Variants in ATAD2B observed in about 807,000 individuals in gnomAD.
ATAD2B encodes the protein ATPase family AAA domain-containing protein 2B.
A neutral mutation model predicts 167.6 loss-of-function variants in ATAD2B; 40 were observed. That is an observed-to-expected ratio of 0.24 (90% CI 0.19 to 0.31). The LOEUF (loss-of-function observed/expected upper bound fraction) is 0.31, where lower values mean the gene tolerates loss of function less well. Among genes scored for constraint, ATAD2B ranks in the 10% least tolerant of loss-of-function variants. ATAD2B has a pLI of 1.00. For missense variants in ATAD2B, 1,242 were observed against 1,757.2 expected (o/e 0.71, Z 5.24); for synonymous variants, 579 against 596.5 (o/e 0.97, Z 0.43).
the ATAD2B span, among the ~76,000 whole-genome samples, chr2:23,705,167 G>GA: frequency 2.6e-5 from 4 of 152,232 alleles, no homozygotes; most frequent in Admixed American, 1.3e-4. Context: ...CTCCACTTGG[G>GA]AGGATGCTCG....
chr2:23,884,734 T>C (rs774420837), intron 6 of ATAD2B, 31 bp downstream of exon 6: 7 of 1,352,884 alleles, frequency 5.2e-6, no homozygotes, highest in African/African-American at 1.5e-5. Flanking sequence ...CCACCTGAAC[T>C]TTCTAGAATT....
At chr2:23,693,104 G>A in the ATAD2B span, among the ~76,000 whole-genome samples, 3 of 152,134 alleles carry the variant, frequency 2.0e-5, no homozygotes, top group East Asian at 5.8e-4. Flanking sequence ...GAGAAGGATC[G>A]AAGCCTCCAG....
chr2:23,819,269 G>A (rs1265262643), intron 17 of ATAD2B, among the ~76,000 whole-genome samples: 2 of 152,044 alleles, frequency 1.3e-5, no homozygotes, highest in Admixed American at 1.3e-4. Flanking sequence ...AGTCCAAAGC[G>A]GGAAGAGCAC....
intron 1 of ATAD2B, among the ~76,000 whole-genome samples, chr2:23,906,082 A>C (rs1478780949): frequency 6.6e-6 from 1 of 152,142 alleles, no homozygotes; most frequent in African/African-American, 2.4e-5. Flanking sequence ...CACACCTGTA[A>C]TCCCGATACT....
chr2:23,906,814 C>T (rs893640316), intron 1 of ATAD2B, among the ~76,000 whole-genome samples: 12 of 151,884 alleles, frequency 7.9e-5, no homozygotes, highest in Non-Finnish European at 1.3e-4. Flanking sequence ...TGGTTCAATA[C>T]ACGCAAATCA....
intron 9 of ATAD2B, among the ~76,000 whole-genome samples, chr2:23,869,036 ACTAT>A (rs1419068247): frequency 6.6e-6 from 1 of 152,210 alleles, no homozygotes; most frequent in Non-Finnish European, 1.5e-5. Context: ...TTTTTAGTAC[ACTAT>A]CTAACTGATC....
At chr2:23,768,708 A>G (rs1677829981) in intron 22 of ATAD2B, among the ~76,000 whole-genome samples, 1 of 152,226 alleles carries the variant, frequency 6.6e-6, no homozygotes, top group Non-Finnish European at 1.5e-5. Flanking sequence ...GCTATAGATC[A>G]GTTTATATTT....
intron 18 of ATAD2B, among the ~76,000 whole-genome samples, chr2:23,799,181 CT>C (rs1406734868): frequency 6.6e-6 from 1 of 152,152 alleles, no homozygotes; most frequent in Non-Finnish European, 1.5e-5. Flanking sequence ...TTATAAAAAT[CT>C]TTCTTCCATT....
intron 9 of ATAD2B, 42 bp from the exon 10 acceptor site, chr2:23,867,988 T>A (rs1403338937): frequency 1.5e-6 from 2 of 1,356,186 alleles, no homozygotes; most frequent in Non-Finnish European, 2.1e-6. Context: ...ATTAAAAGTT[T>A]CACATTTTTA....
intron 24 of ATAD2B, among the ~76,000 whole-genome samples, chr2:23,760,843 G>T (rs1359489469): frequency 8.7e-5 from 13 of 149,762 alleles, no homozygotes; most frequent in Non-Finnish European, 5.9e-5. Flanking sequence ...AATTTTTATA[G>T]CATCACTGAG....
intron 22 of ATAD2B, among the ~76,000 whole-genome samples, chr2:23,771,969 CAG>C (rs1190479182): frequency 6.6e-6 from 1 of 152,226 alleles, no homozygotes; most frequent in African/African-American, 2.4e-5. Context: ...AGAGGACCTC[CAG>C]AATATGCCTG....
intron 6 of ATAD2B, among the ~76,000 whole-genome samples, chr2:23,882,747 T>C (rs1309111191): frequency 6.6e-6 from 1 of 151,070 alleles, no homozygotes; most frequent in African/African-American, 2.4e-5. Flanking sequence ...GAGGCGGAGC[T>C]TGCAGTGAGC....
At chr2:23,810,268 T>C (rs760154600) in intron 18 of ATAD2B, 48 bp downstream of exon 18, 10 of 1,503,848 alleles carry the variant, frequency 6.6e-6, no homozygotes, top group Middle Eastern at 1.8e-4. Flanking sequence ...ACTACCAAAT[T>C]ATAAGCAATA....
intron 18 of ATAD2B, 102 bp from the exon 19 acceptor site, chr2:23,798,425 C>A: frequency 2.3e-6 from 2 of 880,204 alleles, no homozygotes; most frequent in African/African-American, 1.7e-5. Context: ...CTATTATGGT[C>A]ATTAGTTTCA....
At chr2:23,774,430 A>G (rs1678781601) in intron 22 of ATAD2B, among the ~76,000 whole-genome samples, 1 of 152,234 alleles carries the variant, frequency 6.6e-6, no homozygotes, top group Non-Finnish European at 1.5e-5. Flanking sequence ...ACTCAGGTCC[A>G]GGCAACAGCA....
intron 22 of ATAD2B, among the ~76,000 whole-genome samples, chr2:23,777,877 A>T (rs992624433): frequency 6.6e-6 from 1 of 152,188 alleles, no homozygotes; most frequent in African/African-American, 2.4e-5. Flanking sequence ...TGTTCCCATC[A>T]TCCTCAAGGG....
Position 23,788,626 on chromosome 2 carries a change from G to A in ATAD2B, c.2662C>T (p.Gln888Ter). Residue 888 changes from glutamine (Q) to a stop codon, truncating the protein, a stop_gained, in exon 20 of 28, where the codon CAG becomes TAG. Transcript: ENST00000238789. LOFTEE classifies it high-confidence loss of function. The stretch of plus-strand genomic sequence containing the variant: ...TGAATATACAAGACCTCTTCATACT[G>A]TATTCTAAAGATACATTTAACCTAC... Reference protein sequence around the residue: ...PEEVKCIFRIQYEEVLYIQRP... With the variant: ...PEEVKCIFRI 6.3e-7 allele frequency: 1 copy of A among 1,595,176 alleles called. No individual in the cohort carries two copies. The highest frequency in any genetic ancestry group is 8.6e-7 in the Non-Finnish European group (1 of 1,164,086).
rs775045057 is a variant in ATAD2B, at chr2:23,754,669, A to C, written c.4184T>G (p.Ile1395Arg). ...EEPSEPVPPL[I>R]VDRERLKKLL... ...TACCTTCAATCTCTCACGATCAACT[A>C]TAAGAGGAGGCACAGGCTCAGATGG... is the stretch of plus-strand genomic sequence containing the variant. Residue 1395 changes from isoleucine (I) to arginine (R), a missense_variant, in exon 26 of 28, where the codon ATA becomes AGA. Physicochemically the swap from Ile to Arg is moderately conservative, Grantham distance 97. Around this residue, in one of 9 missense-constraint regions of ATAD2B, gnomAD observed 282 missense variants for 346.8 expected, o/e 0.81. Coordinates refer to ENST00000238789, the MANE Select transcript of ATAD2B (RefSeq NM_017552.4). 1.9e-6 allele frequency: 3 copies of C among 1,612,822 alleles called. No individual in the cohort carries two copies. The Admixed American group carries it at 5.0e-5, about 27-fold the overall frequency.
intron 19 of ATAD2B, among the ~76,000 whole-genome samples, chr2:23,793,033 A>G (rs1682058516): frequency 6.6e-6 from 1 of 150,618 alleles, no homozygotes; most frequent in Non-Finnish European, 1.5e-5. Flanking sequence ...GAATCACGTA[A>G]TTGTTTTATT....
Sources: gnomAD v4.1 joint callset for allele counts (sites outside exome capture counted in the v4.1 genomes callset) on GRCh38, gnomAD v4.1.1 for gene constraint, gnomAD v4.1.1 regional missense constraint, MANE v1.5 for transcripts, NCBI Gene and HGNC (gene_info 2026-07-23, HGNC 2026-07-21) for gene names.